FNBP1: variants seen among roughly 807,000 people sequenced by gnomAD.
The protein encoded by FNBP1 is formin binding protein 1, also known as formin-binding protein 1.
FNBP1 carries 26 observed loss-of-function variants against 90.6 expected under a neutral mutation model. The ratio of observed to expected loss-of-function variants is 0.29; its 90% CI spans 0.21 to 0.40. The LOEUF (loss-of-function observed/expected upper bound fraction) is 0.40. Ranked by LOEUF, FNBP1 falls within the 10% of genes least tolerant of loss-of-function variation. The pLI is 1.00. For missense variants in FNBP1, 635 were observed against 768.0 expected, an observed-to-expected ratio of 0.83 and a Z score of 2.05; for synonymous variants, 260 against 265.2, an observed-to-expected ratio of 0.98 and a Z score of 0.19.
intron 10 of FNBP1, among the ~76,000 whole-genome samples, chr9:129,920,642 G>C: frequency 6.6e-6 from 1 of 152,016 alleles, no homozygotes; most frequent in East Asian, 1.9e-4. Flanking sequence ...ATTGATTACT[G>C]AATTCTTTGG....
At chr9:129,897,279 C>G (rs2035945452) in intron 15 of FNBP1, among the ~76,000 whole-genome samples, 1 of 152,156 alleles carries the variant, frequency 6.6e-6, no homozygotes. Context: ...AGACCTTCTG[C>G]TAGGATCATT....
chr9:129,913,950 G>A (rs2039814520), intron 11 of FNBP1, among the ~76,000 whole-genome samples: 1 of 151,652 alleles, frequency 6.6e-6, no homozygotes, highest in African/African-American at 2.4e-5. Flanking sequence ...CAACCTCCTG[G>A]GCTCAATCAA....
chr9:129,925,056 A>G lies in FNBP1; in HGVS notation c.891T>C (p.Asp297=), dbSNP rs1308528244. 4.3e-6 allele frequency: 7 copies of G among 1,613,970 alleles called. No homozygotes were observed. The highest frequency in any genetic ancestry group is 1.6e-4 in the Middle Eastern group (1 of 6,062). The stretch of plus-strand genomic sequence containing the variant: ...CTCCTCTGGAATTTGAAAGGCTGTT[A>G]TCTGACACAGTGCGCTTCATTGGCT... The part of the protein sequence containing the change: ...YTQPMKRTVS[D]NSLSNSRGEG... The change falls in exon 9 of 17, where the codon GAT becomes GAC. Residue 297 remains aspartate (D), a synonymous_variant. Transcript: ENST00000446176.
intron 6 of FNBP1, among the ~76,000 whole-genome samples, chr9:129,938,540 TC>T (rs1374198666): frequency 1.3e-5 from 2 of 148,564 alleles, no homozygotes; most frequent in Non-Finnish European, 3.0e-5. Flanking sequence ...ATTTCCTGAC[TC>T]TTTTTTTTTT....
chr9:129,929,711 A>C lies in FNBP1; in HGVS notation c.514-16T>G. ...GTTGTCGGGCCTTAGGGCAAAAACAAGAATACTCCTACGTTTATACACCAT... is the reference window on the plus strand; with the variant it reads ...GTTGTCGGGCCTTAGGGCAAAAACACGAATACTCCTACGTTTATACACCAT... On this transcript the variant is annotated splice_polypyrimidine_tract_variant and intron_variant, in intron 6 of 16. Transcript: ENST00000446176. 6.2e-7 allele frequency: 1 copy of C among 1,613,762 alleles called. No individual in the cohort carries two copies. The highest frequency in any genetic ancestry group is 8.5e-7 in the Non-Finnish European group (1 of 1,179,672).
rs2036796424 is a variant in FNBP1, at chr9:129,900,872, CT to C, written c.1429-326del. Among the ~76,000 whole-genome samples the C allele has an allele frequency of 6.6e-6, 1 of 152,266 alleles. No individual in the cohort carries two copies. Among genetic ancestry groups the C allele is most frequent in the African/African-American group, 2.4e-5 (1 of 41,470 alleles). The stretch of plus-strand genomic sequence containing the variant: ...CACTGGACTATGCTATCCCCTTGGG[CT>C]TTTAAGCAGCAGTGCAGTCTTGGAT... On this transcript the variant is annotated intron_variant, in intron 13 of 16. Coordinates refer to ENST00000446176, the MANE Select transcript of FNBP1 (RefSeq NM_015033.3). The surrounding 1 kb of genome is among the most constrained non-coding windows in gnomAD (Gnocchi z 4.1).
the FNBP1 span, among the ~76,000 whole-genome samples, chr9:130,048,491 C>CTTTTTTTTTTTTT: frequency 7.5e-4 from 79 of 105,086 alleles, 2 homozygotes; most frequent in Non-Finnish European, 9.3e-4. Context: ...CCTCAGTTTC[C>CTTTTTTTTTTTTT]TTTTTTTTTT....
At chr9:129,907,029 C>T (rs898663383) in intron 12 of FNBP1, among the ~76,000 whole-genome samples, 28 of 151,932 alleles carry the variant, frequency 1.8e-4, no homozygotes, top group African/African-American at 6.5e-4. Context: ...CCGCCCGCCT[C>T]CGCCTCCCAA....
intron 2 of FNBP1, among the ~76,000 whole-genome samples, chr9:129,991,331 G>A (rs569055407): frequency 1.3e-5 from 2 of 151,740 alleles, no homozygotes; most frequent in East Asian, 3.9e-4. Context: ...GAGTGCAGTA[G>A]TGCAATCATG....
At chr9:129,936,031 T>C (rs1484280908) in intron 6 of FNBP1, among the ~76,000 whole-genome samples, 1 of 152,202 alleles carries the variant, frequency 6.6e-6, no homozygotes, top group African/African-American at 2.4e-5. Context: ...CACAATTACT[T>C]TTGCAGCAAC....
chr9:129,905,862 T>C (rs1015506974), intron 12 of FNBP1, among the ~76,000 whole-genome samples: 1 of 150,276 alleles, frequency 6.7e-6, no homozygotes, highest in African/African-American at 2.4e-5. Context: ...GTTTGTGGCT[T>C]ATTTAGAGGC....
rs1202544541 is a variant in FNBP1, at chr9:129,887,910, G to A, written c.*2629C>T. ...ATGTGAACTGCTCCAGAAAAATACA[G>A]ACATGATTTCACAGTAGGATTCCCA... On this transcript the variant is annotated 3_prime_UTR_variant, in exon 17 of 17. Coordinates refer to ENST00000446176, the MANE Select transcript of FNBP1 (RefSeq NM_015033.3). 1 of 232,016 alleles carries A rather than the reference G, an allele frequency of 4.3e-6. No individual in the cohort carries two copies. Among genetic ancestry groups the A allele is most frequent in the African/African-American group, 2.2e-5 (1 of 45,282 alleles). The allele number at this position is 232,016 out of a possible 1,614,324, so 14.4% of individuals were successfully genotyped here. A position where few individuals can be genotyped will look rare whatever the true frequency, so the allele number is the denominator to read the frequency against.
intron 1 of FNBP1, among the ~76,000 whole-genome samples, chr9:129,998,646 G>A (rs1362081961): frequency 6.6e-6 from 1 of 151,970 alleles, no homozygotes; most frequent in Non-Finnish European, 1.5e-5. Context: ...TTTCATTCTT[G>A]GCCTATTAAC....
Position 129,966,350 on chromosome 9 carries a change from G to A in FNBP1, c.346-7797C>T, listed in dbSNP as rs1291317424. 1.3e-5 allele frequency among the ~76,000 whole-genome samples: 2 copies of A among 152,196 alleles called. No individual in the cohort carries two copies. The highest frequency in any genetic ancestry group is 1.3e-4 in the Admixed American group (2 of 15,274). ...TGGATGCCAGTGCCACTAGACCAAG[G>A]TAAAGGGCACAGGGACGGAGGGCAG... On this transcript the variant is annotated intron_variant, in intron 4 of 16. Transcript: ENST00000446176. This position sits in a 1 kb window ranked among gnomAD's most constrained non-coding sequence, Gnocchi z 4.3.
Position 129,957,058 on chromosome 9 carries a change from C to T in FNBP1, c.513+302G>A, listed in dbSNP as rs1441491210. On this transcript the variant is annotated intron_variant, in intron 6 of 16. Transcript: ENST00000446176. The surrounding 1 kb of genome is among the most constrained non-coding windows in gnomAD (Gnocchi z 4.3). ...TTCTTTTGTCTTTTTTTTTTTTTGG[C>T]GATAGTTTCGCTCTTGTTACCCAGG... Among the ~76,000 whole-genome samples, 1 of 122,450 alleles carries T rather than the reference C, an allele frequency of 8.2e-6. No individual in the cohort carries two copies. The highest frequency in any genetic ancestry group is 1.7e-5 in the Non-Finnish European group (1 of 57,952). 80.3% of individuals were successfully genotyped at this position (122,450 alleles called of 152,430 possible). A position where few individuals can be genotyped will look rare whatever the true frequency, so the allele number is the denominator to read the frequency against.
chr9:129,986,777 G>A (rs1176567623), intron 2 of FNBP1, among the ~76,000 whole-genome samples: 4 of 151,764 alleles, frequency 2.6e-5, no homozygotes, highest in East Asian at 3.9e-4. Flanking sequence ...GTGACAGAGC[G>A]AGATGCCGTC....
intron 2 of FNBP1, among the ~76,000 whole-genome samples, chr9:129,992,476 A>G (rs2053327822): frequency 6.6e-6 from 1 of 151,552 alleles, no homozygotes; most frequent in Non-Finnish European, 1.5e-5. Flanking sequence ...ATCTGGGGCC[A>G]GGCACAGTGG....
chr9:129,954,848 A>G (rs1298082066), intron 6 of FNBP1, among the ~76,000 whole-genome samples: 1 of 152,140 alleles, frequency 6.6e-6, no homozygotes, highest in African/African-American at 2.4e-5. Flanking sequence ...AATACAAAAA[A>G]TTAGCTGGGC....
rs2058981125 is a variant in FNBP1 at position 130,033,399 on chromosome 9, G to A, written c.24+9553C>T. On this transcript the variant is annotated intron_variant, in intron 1 of 16. Coordinates refer to ENST00000446176, the MANE Select transcript of FNBP1 (RefSeq NM_015033.3). ...CCCAGAGCCTGTCTGGTCTTTAAAT[G>A]GATTTCAGGAACCCGTTCTCAATTT... is the stretch of plus-strand genomic sequence containing the variant. 2.6e-5 allele frequency among the ~76,000 whole-genome samples: 4 copies of A among 152,174 alleles called. No homozygotes were observed. The South Asian group carries it at 8.3e-4, about 31-fold the overall frequency.
Sources: allele counts gnomAD v4.1 joint callset (sites outside exome capture counted in the v4.1 genomes callset), GRCh38; gene constraint gnomAD v4.1.1; non-coding constraint Gnocchi (gnomAD v3.1); transcripts MANE v1.5; gene names NCBI Gene and HGNC (gene_info 2026-07-23, HGNC 2026-07-21).